TRHDE: variants seen among roughly 807,000 people sequenced by gnomAD.
TRHDE encodes the protein thyrotropin releasing hormone degrading enzyme, also known as thyrotropin-releasing hormone-degrading ectoenzyme.
A neutral mutation model predicts 125.7 loss-of-function variants in TRHDE; 72 were observed. The ratio of observed to expected loss-of-function variants is 0.57; its 90% CI spans 0.47 to 0.70. The LOEUF (loss-of-function observed/expected upper bound fraction) is 0.70. TRHDE is among the 30% of genes least tolerant of loss of function. The pLI, the probability that TRHDE is intolerant of heterozygous loss-of-function variation, is 0.00. For synonymous variants in TRHDE, 509 were observed against 509.1 expected (o/e 1.00, Z 0.00); for missense variants, 1,110 against 1,327.1 (o/e 0.84, Z 2.54).
intron 12 of TRHDE, among the ~76,000 whole-genome samples, chr12:72,604,064 T>C (rs932887366): frequency 6.6e-6 from 1 of 152,010 alleles, no homozygotes; most frequent in Non-Finnish European, 1.5e-5. Context: ...AAAAGAACAA[T>C]GAAAGTTACA....
At chr12:72,474,448 C>A (rs1358381684) in intron 5 of TRHDE, among the ~76,000 whole-genome samples, 1 of 152,110 alleles carries the variant, frequency 6.6e-6, no homozygotes, top group East Asian at 1.9e-4. Flanking sequence ...TCCCCCAAGC[C>A]TCTGGCAACC....
chr12:72,529,846 C>T (rs986899257), intron 6 of TRHDE, among the ~76,000 whole-genome samples: 1 of 152,154 alleles, frequency 6.6e-6, no homozygotes, highest in Non-Finnish European at 1.5e-5. Flanking sequence ...CATCTGATTA[C>T]TCTGCTTTTA....
chr12:72,336,265 G>A (rs73338669), intron 2 of TRHDE, among the ~76,000 whole-genome samples: 3,250 of 152,188 alleles, frequency 0.021, 133 homozygotes, highest in African/African-American at 0.074. Flanking sequence ...ATGTTAAACC[G>A]TTGTAAAATC....
intron 2 of TRHDE, among the ~76,000 whole-genome samples, chr12:72,182,422 G>A (rs1180943121): frequency 6.6e-6 from 1 of 152,218 alleles, no homozygotes; most frequent in African/African-American, 2.4e-5. Context: ...AAAGATTCAG[G>A]ACTTCAGTGG....
chr12:72,510,284 T>C (rs879848717), intron 6 of TRHDE, among the ~76,000 whole-genome samples: 1 of 152,246 alleles, frequency 6.6e-6, no homozygotes, highest in Non-Finnish European at 1.5e-5. Context: ...TCTTTAGATA[T>C]TCTACAGTAT....
chr12:72,498,068 T>C (rs1877994678), intron 5 of TRHDE, among the ~76,000 whole-genome samples: 2 of 152,254 alleles, frequency 1.3e-5, no homozygotes, highest in South Asian at 4.1e-4. Context: ...TATAATCCTC[T>C]TGGATGGAGC....
intron 2 of TRHDE, among the ~76,000 whole-genome samples, chr12:72,327,869 G>A (rs1223597610): frequency 6.6e-6 from 1 of 152,098 alleles, no homozygotes; most frequent in Non-Finnish European, 1.5e-5. Context: ...TTGGGAATTT[G>A]TTTCGCTCAG....
intron 2 of TRHDE, among the ~76,000 whole-genome samples, chr12:72,148,644 G>A (rs1356465877): frequency 6.6e-6 from 1 of 152,194 alleles, no homozygotes; most frequent in African/African-American, 2.4e-5. Flanking sequence ...CAACAGTGTG[G>A]TTAGCTGCAA....
chr12:72,656,862 C>A, intron 17 of TRHDE, 65 bp from the exon 18 acceptor site: 2 of 1,116,976 alleles, frequency 1.8e-6, no homozygotes, highest in Non-Finnish European at 2.7e-6. Context: ...TCTAAAAAAT[C>A]TTTATAGTAA....
chr12:72,131,556 A>C (rs1386401378), intron 2 of TRHDE, among the ~76,000 whole-genome samples: 1 of 152,184 alleles, frequency 6.6e-6, no homozygotes, highest in Non-Finnish European at 1.5e-5. Flanking sequence ...GAGCTTTCAT[A>C]AGAGTATTTT....
chr12:72,421,466 C>G (rs1377858434), intron 3 of TRHDE, among the ~76,000 whole-genome samples: 1 of 152,096 alleles, frequency 6.6e-6, no homozygotes, highest in Non-Finnish European at 1.5e-5. Context: ...AGGTAATGGC[C>G]AGAGAAGAAG....
At chr12:72,129,428 G>C (rs2139306738) in intron 2 of TRHDE, among the ~76,000 whole-genome samples, 1 of 152,292 alleles carries the variant, frequency 6.6e-6, no homozygotes, top group East Asian at 1.9e-4. Context: ...TGAATGCCTA[G>C]ATTGTCTCCA....
chr12:72,557,399 A>G (rs990248778), intron 7 of TRHDE, among the ~76,000 whole-genome samples: 1 of 152,220 alleles, frequency 6.6e-6, no homozygotes, highest in Admixed American at 6.5e-5. Flanking sequence ...ATAGGAAAGA[A>G]TAAATACTCC....
At chr12:72,624,863 T>G (rs1172859371) in intron 15 of TRHDE, among the ~76,000 whole-genome samples, 1 of 151,548 alleles carries the variant, frequency 6.6e-6, no homozygotes, top group Non-Finnish European at 1.5e-5. Flanking sequence ...GGAGATACAA[T>G]GCAAATGATA....
At chr12:72,559,350 A>T (rs538720495) in intron 7 of TRHDE, among the ~76,000 whole-genome samples, 1 of 152,352 alleles carries the variant, frequency 6.6e-6, no homozygotes, top group South Asian at 2.1e-4. Context: ...AGATAGGCAC[A>T]AAGAGTTAAA....
At chr12:72,370,935 G>T (rs1413890247) in intron 2 of TRHDE, among the ~76,000 whole-genome samples, 1 of 151,992 alleles carries the variant, frequency 6.6e-6, no homozygotes, top group South Asian at 2.1e-4. Context: ...TAGAGATGGG[G>T]TTTCGCCATG....
intron 2 of TRHDE, among the ~76,000 whole-genome samples, chr12:72,297,321 A>AGAT (rs767321333): frequency 2.8e-4 from 42 of 152,270 alleles, no homozygotes; most frequent in African/African-American, 6.0e-4. Context: ...ATAAGAGTAG[A>AGAT]GATATGAAGT....
intron 2 of TRHDE, among the ~76,000 whole-genome samples, chr12:72,354,738 T>A (rs962042099): frequency 3.4e-5 from 5 of 149,014 alleles, no homozygotes; most frequent in Admixed American, 6.8e-5. Flanking sequence ...ATACATAAAA[T>A]ATATATAATA....
chr12:72,410,870 T>A lies in TRHDE; in HGVS notation c.1315+32749T>A, dbSNP rs9988927. On this transcript the variant is annotated intron_variant, in intron 3 of 18. Transcript: ENST00000261180. The stretch of plus-strand genomic sequence containing the variant: ...GCCTGACCCAAATAAGATAAGCAGA[T>A]AAAAAAAAAAAAAAAGATTTGAGAT... 2.4e-3 allele frequency among the ~76,000 whole-genome samples: 300 copies of A among 125,404 alleles called. 1 individual carries two copies. Among genetic ancestry groups the A allele is most frequent in the African/African-American group, 2.9e-3 (113 of 38,346 alleles). The allele number at this position is 125,404 out of a possible 152,430, so 82.3% of individuals were successfully genotyped here.
Sources: gnomAD v4.1 joint callset for allele counts (sites outside exome capture counted in the v4.1 genomes callset) on GRCh38, gnomAD v4.1.1 for gene constraint, MANE v1.5 for transcripts, NCBI Gene and HGNC (gene_info 2026-07-23, HGNC 2026-07-21) for gene names.